KRTAP11-1: variants seen among roughly 807,000 people sequenced by gnomAD.
KRTAP11-1 encodes the protein keratin-associated protein 11-1.
KRTAP11-1 carries 17 observed loss-of-function variants against 13.9 expected under a neutral mutation model. The observed-to-expected ratio is 1.23, with a 90% confidence interval of 0.84 to 1.84. The LOEUF is 1.84. Ranked by LOEUF, KRTAP11-1 falls within the 40% of genes most tolerant of loss-of-function variation. KRTAP11-1 has a pLI of 0.00. For missense variants in KRTAP11-1, 181 were observed against 200.9 expected, an observed-to-expected ratio of 0.90 and a Z score of 0.60; for synonymous variants, 69 against 81.6, an observed-to-expected ratio of 0.85 and a Z score of 0.84.
Position 30,880,887 on chromosome 21 carries a change from C to T in KRTAP11-1, c.*146G>A, listed in dbSNP as rs1485832174. The T allele has an allele frequency of 3.7e-6, 4 of 1,071,454 alleles. No individual in the cohort carries two copies. The highest frequency in any genetic ancestry group is 2.4e-5 in the East Asian group (1 of 41,852). The allele number at this position is 1,071,454 out of a possible 1,614,324, so 66.4% of individuals were successfully genotyped here. On this transcript the variant is annotated 3_prime_UTR_variant, in exon 1 of 1. Transcript: ENST00000332378. ...AAAAATTTTAGAGTGCTAAAGACAG[C>T]GTGTGCATGGATAGTAGCCAGCAGT...
rs1416808905 is a variant in KRTAP11-1 at position 30,881,073 on chromosome 21, T to TA, written c.451dup (p.Tyr151LeufsTer17). 2 of 1,613,980 alleles carry TA rather than the reference T, an allele frequency of 1.2e-6. No individual in the cohort carries two copies. Among genetic ancestry groups the TA allele is most frequent in the East Asian group, 4.5e-5 (2 of 44,876 alleles). ...GCAGCTGGACACGCAGGACTGCTGATACGTCCTGGAGACCCCACAGGCTGG... is the reference window on the plus strand; with the variant it reads ...GCAGCTGGACACGCAGGACTGCTGATAACGTCCTGGAGACCCCACAGGCTGG... On this transcript the variant is annotated frameshift_variant, in exon 1 of 1. Coordinates refer to ENST00000332378, the MANE Select transcript of KRTAP11-1 (RefSeq NM_175858.3). LOFTEE classifies it high-confidence loss of function.
Position 30,880,782 on chromosome 21 carries a change from G to A in KRTAP11-1, c.*251C>T, listed in dbSNP as rs117409451. ...CAAAAGCATCAGAGACTGGGGTGTG[G>A]ATGGTAAAGCTTCTGGACACATCCA... On this transcript the variant is annotated 3_prime_UTR_variant, in exon 1 of 1. Coordinates refer to ENST00000332378, the MANE Select transcript of KRTAP11-1 (RefSeq NM_175858.3). 5.9e-4 allele frequency: 292 copies of A among 492,234 alleles called. No homozygotes were observed. The highest frequency in any genetic ancestry group is 9.6e-4 in the Non-Finnish European group (267 of 278,164). 30.5% of individuals were successfully genotyped at this position (492,234 alleles called of 1,614,324 possible).
rs1379204990 is a variant in KRTAP11-1, at chr21:30,881,191, G to A, written c.334C>T (p.Gln112Ter). 15 of 1,614,066 alleles carry A rather than the reference G, an allele frequency of 9.3e-6. No individual in the cohort carries two copies. Among genetic ancestry groups the A allele is most frequent in the Admixed American group, 1.7e-5 (1 of 60,010 alleles). The change falls in exon 1 of 1, where the codon CAG becomes TAG. Residue 112 changes from glutamine (Q) to a stop codon, truncating the protein, a stop_gained. Coordinates refer to ENST00000332378, the MANE Select transcript of KRTAP11-1 (RefSeq NM_175858.3). LOFTEE classifies it high-confidence loss of function. ...RPLTFVSSGC[Q>*]PLGGISSVCQ... Reference sequence around the variant, plus strand: ...ACACTGGAGATGCCTCCCAGGGGCTGACATCCACTAGAGACAAAGGTGAGC... The same window carrying A: ...ACACTGGAGATGCCTCCCAGGGGCTAACATCCACTAGAGACAAAGGTGAGC...
Position 30,881,019 on chromosome 21 carries a change from T to C in KRTAP11-1, c.*14A>G, listed in dbSNP as rs770568202. On this transcript the variant is annotated 3_prime_UTR_variant, in exon 1 of 1. Coordinates refer to ENST00000332378, the MANE Select transcript of KRTAP11-1 (RefSeq NM_175858.3). The stretch of plus-strand genomic sequence containing the variant: ...GGTCGTGGAGTCTTGATTCGCTCAC[T>C]GGCTCCTACACACTTAGCAGGTTCT... 1.9e-6 allele frequency: 3 copies of C among 1,599,996 alleles called. No individual in the cohort carries two copies. The highest frequency in any genetic ancestry group is 1.1e-5 in the South Asian group (1 of 89,690).
Position 30,881,576 on chromosome 21 carries a change from T to A in KRTAP11-1, c.-52A>T. 6.5e-7 allele frequency: 1 copy of A among 1,537,860 alleles called. No homozygotes were observed. The highest frequency in any genetic ancestry group is 1.3e-5 in the South Asian group (1 of 79,650). The stretch of plus-strand genomic sequence containing the variant: ...CTTGCTGAAGTTACCTCCTGAGTTG[T>A]GAATGTCACTCCAGACTCCTGAGCT... On this transcript the variant is annotated 5_prime_UTR_variant, in exon 1 of 1. Transcript: ENST00000332378.
Position 30,881,110 on chromosome 21 carries a change from T to C in KRTAP11-1, c.415A>G (p.Thr139Ala), listed in dbSNP as rs1295779035. 4 of 1,614,064 alleles carry C rather than the reference T, an allele frequency of 2.5e-6. No homozygotes were observed. The highest frequency in any genetic ancestry group is 1.7e-5 in the Admixed American group (1 of 59,998). ...ACCCCACAGGCTGGCTGGCAGACAG[T>C]AGAGACTCCTCCCACTGGTTGGCAG... ...TVCQPVGGVSTVCQPACGVSR... is the reference protein window; with the variant it reads ...TVCQPVGGVSAVCQPACGVSR... The change falls in exon 1 of 1, where the codon ACT becomes GCT. Residue 139 changes from threonine (T) to alanine (A), a missense_variant. Transcript: ENST00000332378.
chr21:30,880,972 A>G lies in KRTAP11-1; in HGVS notation c.*61T>C. ...TATTCAGGGACAAGCAGCATGCTGG[A>G]AGATCCTGGAAACAGCTGGCAGGTC... On this transcript the variant is annotated 3_prime_UTR_variant, in exon 1 of 1. Coordinates refer to ENST00000332378, the MANE Select transcript of KRTAP11-1 (RefSeq NM_175858.3). 6.4e-7 allele frequency: 1 copy of G among 1,558,178 alleles called. No individual in the cohort carries two copies.
chr21:30,880,836 C>G lies in KRTAP11-1; in HGVS notation c.*197G>C. 1.5e-6 allele frequency: 1 copy of G among 647,996 alleles called. No homozygotes were observed. Among genetic ancestry groups the G allele is most frequent in the Non-Finnish European group, 2.6e-6 (1 of 380,848 alleles). The allele number at this position is 647,996 out of a possible 1,614,324, so 40.1% of individuals were successfully genotyped here. The stretch of plus-strand genomic sequence containing the variant: ...GCATACACAGCACCAGTGAGCAACC[C>G]TTAAAACAAGCTTAGGGCTGGCCAG... On this transcript the variant is annotated 3_prime_UTR_variant, in exon 1 of 1. Transcript: ENST00000332378.
chr21:30,881,134 A>T lies in KRTAP11-1; in HGVS notation c.391T>A (p.Cys131Ser), dbSNP rs114341492. 5.6e-4 allele frequency: 911 copies of T among 1,614,154 alleles called. 8 individuals are homozygous for T. The African/African-American group carries it at 0.01, about 18-fold the overall frequency. ...GTAGAGACTCCTCCCACTGGTTGGC[A>T]GACAGTAGAGATGCCGCCCACTGGT... The part of the protein sequence containing the change: ...CQPVGGISTV[C>S]QPVGGVSTVC... The change falls in exon 1 of 1, where the codon TGC becomes AGC. Residue 131 changes from cysteine (C) to serine (S), a missense_variant. Physicochemically the swap from Cys to Ser is moderately radical, Grantham distance 112. Transcript: ENST00000332378.
At position 30,881,328 on chromosome 21, in the gene KRTAP11-1, C is replaced by A. The variant is rs1337654998; in HGVS notation, c.197G>T (p.Cys66Phe). Reference protein sequence around the residue: ...CQETCCEPTACQPTCYRRTSC... With the variant: ...CQETCCEPTAFQPTCYRRTSC... ...AGTTCGCCGGTAACAGGTTGGCTGG[C>A]AAGCAGTGGGCTCACAGCAGGTCTC... is the stretch of plus-strand genomic sequence containing the variant. The change falls in exon 1 of 1, where the codon TGC becomes TTC. Residue 66 changes from cysteine to phenylalanine, a missense_variant. Coordinates refer to ENST00000332378, the MANE Select transcript of KRTAP11-1 (RefSeq NM_175858.3). 6.2e-7 allele frequency: 1 copy of A among 1,614,080 alleles called. No homozygotes were observed. Among genetic ancestry groups the A allele is most frequent in the Non-Finnish European group, 8.5e-7 (1 of 1,180,000 alleles).
In KRTAP11-1 at chr21:30,881,003, G is replaced by A; in HGVS notation, c.*30C>T. On this transcript the variant is annotated 3_prime_UTR_variant, in exon 1 of 1. Coordinates refer to ENST00000332378, the MANE Select transcript of KRTAP11-1 (RefSeq NM_175858.3). ...CTGGAAACAGCTGGCAGGTCGTGGA[G>A]TCTTGATTCGCTCACTGGCTCCTAC... The A allele has an allele frequency of 1.3e-6, 2 of 1,590,292 alleles. No individual in the cohort carries two copies. The highest frequency in any genetic ancestry group is 2.3e-5 in the South Asian group (2 of 87,190).
At position 30,880,901 on chromosome 21, in the gene KRTAP11-1, G is replaced by A; in HGVS notation, c.*132C>T. The stretch of plus-strand genomic sequence containing the variant: ...GCTAAAGACAGCGTGTGCATGGATA[G>A]TAGCCAGCAGTCAGGCGGTCACAAG... On this transcript the variant is annotated 3_prime_UTR_variant, in exon 1 of 1. Coordinates refer to ENST00000332378, the MANE Select transcript of KRTAP11-1 (RefSeq NM_175858.3). 8.3e-7 allele frequency: 1 copy of A among 1,206,840 alleles called. No individual in the cohort carries two copies. The highest frequency in any genetic ancestry group is 1.2e-6 in the Non-Finnish European group (1 of 857,118). 74.8% of individuals were successfully genotyped at this position (1,206,840 alleles called of 1,614,324 possible). A position where few individuals can be genotyped will look rare whatever the true frequency, so the allele number is the denominator to read the frequency against.
chr21:30,881,261 T>C lies in KRTAP11-1; in HGVS notation c.264A>G (p.Gln88=), dbSNP rs773812934. The C allele has an allele frequency of 6.2e-7, 1 of 1,614,106 alleles. No homozygotes were observed. Among genetic ancestry groups the C allele is most frequent in the Non-Finnish European group, 8.5e-7 (1 of 1,180,008 alleles). Residue 88 remains glutamine (Q), a synonymous_variant, in exon 1 of 1, where the codon CAA becomes CAG. Coordinates refer to ENST00000332378, the MANE Select transcript of KRTAP11-1 (RefSeq NM_175858.3). ...SNPCQVTCSR[Q]TTCISNPCST... ...AGCAGGGGTTGGAAATACAGGTAGTTTGTCGAGAGCAAGTCACCTGGCAAG... is the reference window on the plus strand; with the variant it reads ...AGCAGGGGTTGGAAATACAGGTAGTCTGTCGAGAGCAAGTCACCTGGCAAG...
rs1259579024 is a variant in KRTAP11-1 at position 30,881,108 on chromosome 21, A to G, written c.417T>C (p.Thr139=). ...TVCQPVGGVS[T]VCQPACGVSR... Reference sequence around the variant, plus strand: ...AGACCCCACAGGCTGGCTGGCAGACAGTAGAGACTCCTCCCACTGGTTGGC... The same window carrying G: ...AGACCCCACAGGCTGGCTGGCAGACGGTAGAGACTCCTCCCACTGGTTGGC... Residue 139 remains threonine (T), a synonymous_variant, in exon 1 of 1, where the codon ACT becomes ACC. Coordinates refer to ENST00000332378, the MANE Select transcript of KRTAP11-1 (RefSeq NM_175858.3). The G allele has an allele frequency of 4.3e-6, 7 of 1,614,066 alleles. No homozygotes were observed. The African/African-American group carries it at 6.7e-5, about 15-fold the overall frequency.
In KRTAP11-1 at chr21:30,880,908, G is replaced by T. The variant is rs1986195347; in HGVS notation, c.*125C>A. The T allele has an allele frequency of 7.9e-7, 1 of 1,262,494 alleles. No homozygotes were observed. Among genetic ancestry groups the T allele is most frequent in the Non-Finnish European group, 1.1e-6 (1 of 906,106 alleles). The allele number at this position is 1,262,494 out of a possible 1,614,324, so 78.2% of individuals were successfully genotyped here. A position where few individuals can be genotyped will look rare whatever the true frequency, so the allele number is the denominator to read the frequency against. ...ACAGCGTGTGCATGGATAGTAGCCA[G>T]CAGTCAGGCGGTCACAAGAAGGGTC... On this transcript the variant is annotated 3_prime_UTR_variant, in exon 1 of 1. Transcript: ENST00000332378.
rs9636845 is a variant in KRTAP11-1, at chr21:30,881,194, A to T, written c.331T>A (p.Cys111Ser). The T allele has an allele frequency of 0.1, 167,383 of 1,614,066 alleles. 12,724 individuals carry two copies. The highest frequency in any genetic ancestry group is 0.43 in the East Asian group (19,494 of 44,840). ...SRPLTFVSSG[C>S]QPLGGISSVC... ...CTGGAGATGCCTCCCAGGGGCTGACATCCACTAGAGACAAAGGTGAGCGGC... is the reference window on the plus strand; with the variant it reads ...CTGGAGATGCCTCCCAGGGGCTGACTTCCACTAGAGACAAAGGTGAGCGGC... Residue 111 changes from cysteine to serine, a missense_variant, in exon 1 of 1, where the codon TGT becomes AGT. Physicochemically the swap from Cys to Ser is moderately radical, Grantham distance 112. Transcript: ENST00000332378.
In KRTAP11-1 at chr21:30,881,225, G is replaced by A. The variant is rs370045274; in HGVS notation, c.300C>T (p.Tyr100=). The A allele has an allele frequency of 6.2e-6, 10 of 1,614,050 alleles. No homozygotes were observed. Among genetic ancestry groups the A allele is most frequent in the African/African-American group, 1.3e-5 (1 of 74,916 alleles). The part of the protein sequence containing the change: ...TCISNPCSTT[Y]SRPLTFVSSG... ...TAGAGACAAAGGTGAGCGGCCGGCT[G>A]TAGGTAGTTGAGCAGGGGTTGGAAA... The change falls in exon 1 of 1, where the codon TAC becomes TAT. Residue 100 remains tyrosine (Y), a synonymous_variant. Transcript: ENST00000332378.
chr21:30,880,792 C>T lies in KRTAP11-1; in HGVS notation c.*241G>A, dbSNP rs1479419811. On this transcript the variant is annotated 3_prime_UTR_variant, in exon 1 of 1. Transcript: ENST00000332378. ...AGAGACTGGGGTGTGGATGGTAAAG[C>T]TTCTGGACACATCCAGAGGCATACA... 1 of 533,350 alleles carries T rather than the reference C, an allele frequency of 1.9e-6. No homozygotes were observed. Among genetic ancestry groups the T allele is most frequent in the Non-Finnish European group, 3.3e-6 (1 of 300,582 alleles). The allele number at this position is 533,350 out of a possible 1,614,324, so 33.0% of individuals were successfully genotyped here. A position where few individuals can be genotyped will look rare whatever the true frequency, so the allele number is the denominator to read the frequency against.
chr21:30,881,472 C>G lies in KRTAP11-1; in HGVS notation c.53G>C (p.Arg18Pro). The change falls in exon 1 of 1, where the codon CGC becomes CCC. Residue 18 changes from arginine (R) to proline (P), a missense_variant. Physicochemically the swap from Arg to Pro is moderately radical, Grantham distance 103. Transcript: ENST00000332378. ...AACTTGGGCCACTGGAACAATGCAG[C>G]GTCCTCCAATGGGCCTGGAAGAGCA... is the stretch of plus-strand genomic sequence containing the variant. ...RNCSSRPIGG[R>P]CIVPVAQVTT... 6.2e-7 allele frequency: 1 copy of G among 1,613,852 alleles called. No individual in the cohort carries two copies. Among genetic ancestry groups the G allele is most frequent in the Non-Finnish European group, 8.5e-7 (1 of 1,179,884 alleles).
Sources: gnomAD v4.1 joint callset for allele counts on GRCh38, gnomAD v4.1.1 for gene constraint, MANE v1.5 for transcripts, NCBI Gene and HGNC (gene_info 2026-07-23, HGNC 2026-07-21) for gene names.